SLC13A3: variants seen among roughly 807,000 people sequenced by gnomAD.
SLC13A3 encodes Na(+)/dicarboxylate cotransporter 3.
SLC13A3 carries 40 observed loss-of-function variants against 59.0 expected under a neutral mutation model. The observed-to-expected ratio is 0.68, with a 90% CI of 0.53 to 0.88. The LOEUF (loss-of-function observed/expected upper bound fraction) is 0.88. SLC13A3 is among the 40% of genes least tolerant of loss of function. The probability of loss-of-function intolerance (pLI) is 0.00; values close to 1 mark genes in which losing one functional copy is unlikely to be tolerated. For missense variants in SLC13A3, 699 were observed against 783.2 expected (o/e 0.89, Z 1.28); for synonymous variants, 317 against 330.3 (o/e 0.96, Z 0.44).
intron 1 of SLC13A3, among the ~76,000 whole-genome samples, chr20:46,647,360 G>A (rs548694268): frequency 1.3e-5 from 2 of 152,294 alleles, no homozygotes; most frequent in South Asian, 4.1e-4. Context: ...GCAGGAAAGG[G>A]GGTAAGGCTT....
intron 5 of SLC13A3, among the ~76,000 whole-genome samples, chr20:46,593,689 A>G (rs2062282052): frequency 6.6e-6 from 1 of 152,202 alleles, no homozygotes; most frequent in South Asian, 2.1e-4. Context: ...TAAAATGAAA[A>G]CAATCAATGC....
intron 1 of SLC13A3, among the ~76,000 whole-genome samples, chr20:46,629,598 G>T (rs1568945657): frequency 6.6e-6 from 1 of 151,222 alleles, no homozygotes; most frequent in Non-Finnish European, 1.5e-5. Flanking sequence ...ACTTCATTTT[G>T]TTCAATCTTT....
At chr20:46,608,293 AC>A (rs2062455919) in intron 3 of SLC13A3, among the ~76,000 whole-genome samples, 1 of 152,218 alleles carries the variant, frequency 6.6e-6, no homozygotes, top group Non-Finnish European at 1.5e-5. Context: ...TAATTTCAGC[AC>A]CCATAAATAC....
intron 10 of SLC13A3, among the ~76,000 whole-genome samples, chr20:46,568,969 TGCC>T (rs2062006415): frequency 6.6e-6 from 1 of 152,190 alleles, no homozygotes; most frequent in Admixed American, 6.5e-5. Flanking sequence ...GGACTTCACC[TGCC>T]CTTTCCCATT....
At chr20:46,678,436 A>G (rs777110560) in intron 1 of SLC13A3, among the ~76,000 whole-genome samples, 4 of 152,286 alleles carry the variant, frequency 2.6e-5, no homozygotes, top group African/African-American at 2.4e-5. Context: ...CTGTGCATAT[A>G]ATAAGTCCAG....
At chr20:46,658,181 G>A (rs2063005764) in intron 1 of SLC13A3, among the ~76,000 whole-genome samples, 1 of 151,446 alleles carries the variant, frequency 6.6e-6, no homozygotes, top group Non-Finnish European at 1.5e-5. Flanking sequence ...TTGGAATACT[G>A]ATACATGCAA....
chr20:46,645,329 A>G (rs938390595), intron 1 of SLC13A3, among the ~76,000 whole-genome samples: 5 of 152,180 alleles, frequency 3.3e-5, no homozygotes, highest in African/African-American at 9.7e-5. Flanking sequence ...AGAAAGTAAC[A>G]TTCACTGGTT....
intron 1 of SLC13A3, among the ~76,000 whole-genome samples, chr20:46,663,547 A>C (rs2063044444): frequency 6.6e-6 from 1 of 152,176 alleles, no homozygotes; most frequent in South Asian, 2.1e-4. Context: ...AAATGCAAGG[A>C]ATGTTGGCTT....
In SLC13A3 at chr20:46,585,650, G is replaced by T. The variant is rs116351524; in HGVS notation, c.1122-1981C>A. The stretch of plus-strand genomic sequence containing the variant: ...GTTCTCAGATAGGCATTGTTTAAAA[G>T]TCAGGAAAGATGTATATCAGAATTA... On this transcript the variant is annotated intron_variant, in intron 8 of 12. Transcript: ENST00000279027. 1.8e-3 allele frequency: 2,364 copies of T among 1,280,430 alleles called. 41 individuals carry two copies. The African/African-American group carries it at 0.033, about 18-fold the overall frequency. 79.3% of individuals were successfully genotyped at this position (1,280,430 alleles called of 1,614,324 possible). A position where few individuals can be genotyped will look rare whatever the true frequency, so the allele number is the denominator to read the frequency against.
chr20:46,613,701 G>A lies in SLC13A3; in HGVS notation c.136C>T (p.Leu46=), dbSNP rs1373701592. ...GTGCACCAGTACACCGCCATGAGCA[G>A]GATGACAAACAAGCAGCGGCCTTCC... is the stretch of plus-strand genomic sequence containing the variant. The part of the protein sequence containing the change: ...PKEGRCLFVI[L]LMAVYWCTEA... Residue 46 remains leucine, a synonymous_variant, in exon 2 of 13, where the codon CTG becomes TTG. Coordinates refer to ENST00000279027, the MANE Select transcript of SLC13A3 (RefSeq NM_022829.6). 2 of 1,605,018 alleles carry A rather than the reference G, an allele frequency of 1.2e-6. No homozygotes were observed. Among genetic ancestry groups the A allele is most frequent in the Non-Finnish European group, 1.7e-6 (2 of 1,175,212 alleles).
chr20:46,654,239 G>A (rs758599505), upstream of SLC13A3, among the ~76,000 whole-genome samples: 4 of 152,068 alleles, frequency 2.6e-5, no homozygotes, highest in Admixed American at 6.5e-5. Flanking sequence ...GGCCATCTGC[G>A]TATCTTGTTT....
At chr20:46,664,139 T>G (rs1452501018) in intron 1 of SLC13A3, among the ~76,000 whole-genome samples, 1 of 152,182 alleles carries the variant, frequency 6.6e-6, no homozygotes, top group Non-Finnish European at 1.5e-5. Flanking sequence ...GATTTCATTG[T>G]CTAGGGTGTG....
Position 46,572,615 on chromosome 20 carries a change from G to A in SLC13A3, c.1332+2958C>T, listed in dbSNP as rs895345326. Among the ~76,000 whole-genome samples the A allele has an allele frequency of 5.9e-5, 9 of 152,298 alleles. No homozygotes were observed. The South Asian group carries it at 8.3e-4, about 14-fold the overall frequency. ...ATTTCCACCAAGTTGCTCAAGCCAC[G>A]AACCTCCACATGATTCTTGATTTTG... On this transcript the variant is annotated intron_variant, in intron 10 of 12. Coordinates refer to ENST00000279027, the MANE Select transcript of SLC13A3 (RefSeq NM_022829.6).
upstream of SLC13A3, among the ~76,000 whole-genome samples, chr20:46,652,771 T>A (rs2062961369): frequency 6.6e-6 from 1 of 152,018 alleles, no homozygotes; most frequent in African/African-American, 2.4e-5. Flanking sequence ...CATACAGGAG[T>A]GCAACTGTTG....
At position 46,599,970 on chromosome 20, in the gene SLC13A3, C is replaced by T. The variant is rs773149390; in HGVS notation, c.608+1G>A. 9 of 1,561,568 alleles carry T rather than the reference C, an allele frequency of 5.8e-6. No individual in the cohort carries two copies. The highest frequency in any genetic ancestry group is 4.1e-5 in the African/African-American group (3 of 73,954). On this transcript the variant is annotated splice_donor_variant, in intron 4 of 12. Coordinates refer to ENST00000279027, the MANE Select transcript of SLC13A3 (RefSeq NM_022829.6). LOFTEE classifies it high-confidence loss of function. ...CTCTATGAATTTCACCAGTAACTTA[C>T]GCTTCTGTGCTGGCGAGAAACTGCA... is the stretch of plus-strand genomic sequence containing the variant.
At chr20:46,652,388 G>GT (rs200645740), upstream of SLC13A3, among the ~76,000 whole-genome samples, 2,235 of 150,878 alleles carry the variant, frequency 0.015, 20 homozygotes, top group Middle Eastern at 0.048. Context: ...TTATTTTTGG[G>GT]TTTTTTTTTC....
chr20:46,627,438 G>A (rs2062685110), intron 1 of SLC13A3, among the ~76,000 whole-genome samples: 1 of 152,116 alleles, frequency 6.6e-6, no homozygotes. Context: ...GGTGAAGTGG[G>A]GAACACAGGG....
At chr20:46,652,128 A>G (rs1428206039), upstream of SLC13A3, among the ~76,000 whole-genome samples, 1 of 152,216 alleles carries the variant, frequency 6.6e-6, no homozygotes, top group Non-Finnish European at 1.5e-5. Flanking sequence ...AGGAAAAATA[A>G]CTAATGGGCA....
At chr20:46,648,191 T>C (rs1373503321) in intron 1 of SLC13A3, among the ~76,000 whole-genome samples, 1 of 151,870 alleles carries the variant, frequency 6.6e-6, no homozygotes, top group Non-Finnish European at 1.5e-5. Flanking sequence ...TTAACCCATG[T>C]CCCGTTTTGC....
Sources: gnomAD v4.1 joint callset for allele counts (sites outside exome capture counted in the v4.1 genomes callset) on GRCh38, gnomAD v4.1.1 for gene constraint, MANE v1.5 for transcripts, NCBI Gene and HGNC (gene_info 2026-07-23, HGNC 2026-07-21) for gene names.